ROCK1: variants seen among roughly 807,000 people sequenced by gnomAD.
ROCK1 encodes the protein rho-associated protein kinase 1.
In ROCK1, 36 loss-of-function variants were observed where a neutral mutation model predicts 196.8. The observed-to-expected ratio is 0.18, with a 90% CI of 0.14 to 0.24. The LOEUF is 0.24. Ranked by LOEUF, ROCK1 falls within the 10% of genes least tolerant of loss-of-function variation. The probability of loss-of-function intolerance (pLI) is 1.00; values close to 1 mark genes in which losing one functional copy is unlikely to be tolerated. For missense variants in ROCK1, 920 were observed against 1,562.0 expected (o/e 0.59, Z 6.93); for synonymous variants, 443 against 515.9 (o/e 0.86, Z 1.91).
At chr18:21,089,307 G>A (rs536343589) in intron 1 of ROCK1, among the ~76,000 whole-genome samples, 151 of 152,212 alleles carry the variant, frequency 9.9e-4, no homozygotes, top group Non-Finnish European at 1.3e-3. Context: ...CAATCCACCC[G>A]CCTTGGCCTC....
chr18:21,053,935 A>G (rs1338442107), intron 2 of ROCK1, among the ~76,000 whole-genome samples: 1 of 152,186 alleles, frequency 6.6e-6, no homozygotes, highest in Non-Finnish European at 1.5e-5. Context: ...TGATATGGTG[A>G]TACATATAGC....
intron 9 of ROCK1, among the ~76,000 whole-genome samples, chr18:21,036,814 A>T (rs1162316700): frequency 1.3e-5 from 2 of 152,184 alleles, no homozygotes; most frequent in East Asian, 3.8e-4. Flanking sequence ...TGTGGTAACT[A>T]GCAAAATCCT....
Position 21,111,010 on chromosome 18 carries a change from A to G in ROCK1, c.-100T>C. On this transcript the variant is annotated 5_prime_UTR_variant, in exon 1 of 33. Transcript: ENST00000399799. This position sits in a 1 kb window ranked among gnomAD's most constrained non-coding sequence, Gnocchi z 4.2. ...TGGGTTCGCAGCCGCGGGGCGGAGGAGCCGGAACCTCAGGGTCACCAGGTG... is the reference window on the plus strand; with the variant it reads ...TGGGTTCGCAGCCGCGGGGCGGAGGGGCCGGAACCTCAGGGTCACCAGGTG... The G allele has an allele frequency of 1.0e-6, 1 of 953,018 alleles. No homozygotes were observed. Among genetic ancestry groups the G allele is most frequent in the Non-Finnish European group, 1.7e-6 (1 of 603,626 alleles). 59.0% of individuals were successfully genotyped at this position (953,018 alleles called of 1,614,324 possible).
At chr18:21,076,682 C>T (rs1598554156) in intron 1 of ROCK1, among the ~76,000 whole-genome samples, 2 of 148,460 alleles carry the variant, frequency 1.3e-5, no homozygotes, top group South Asian at 4.2e-4. Flanking sequence ...TACACACACA[C>T]ACACACACAC....
At chr18:21,054,582 G>A (rs1019485618) in intron 2 of ROCK1, among the ~76,000 whole-genome samples, 14 of 151,958 alleles carry the variant, frequency 9.2e-5, no homozygotes, top group African/African-American at 3.4e-4. Flanking sequence ...ATTATATTAG[G>A]TTGTATTTCC....
chr18:21,104,894 T>C (rs769399883), intron 1 of ROCK1, among the ~76,000 whole-genome samples: 29 of 152,220 alleles, frequency 1.9e-4, no homozygotes, highest in Non-Finnish European at 5.9e-5. Flanking sequence ...TATTAATAAA[T>C]GTCTCAATTT....
chr18:21,042,433 G>T, intron 7 of ROCK1, 132 bp downstream of exon 7: 1 of 1,112,426 alleles, frequency 9.0e-7, no homozygotes, highest in Non-Finnish European at 1.3e-6. Context: ...ATACGAAGCA[G>T]GTTTGGATCA....
intron 31 of ROCK1, among the ~76,000 whole-genome samples, chr18:20,954,442 G>A (rs1317296337): frequency 6.7e-6 from 1 of 149,830 alleles, no homozygotes; most frequent in Non-Finnish European, 1.5e-5. Flanking sequence ...CGGGTGTGGT[G>A]GCACACGCCT....
chr18:21,026,201 T>C (rs1424601361), intron 10 of ROCK1, among the ~76,000 whole-genome samples: 1 of 152,082 alleles, frequency 6.6e-6, no homozygotes, highest in Admixed American at 6.5e-5. Flanking sequence ...TCCCAGCACT[T>C]TGGGAGGCCA....
At chr18:21,086,842 GT>G (rs1441484433) in intron 1 of ROCK1, among the ~76,000 whole-genome samples, 1 of 151,026 alleles carries the variant, frequency 6.6e-6, no homozygotes, top group African/African-American at 2.4e-5. Context: ...TAAAATAATG[GT>G]TAAAGGAAAT....
At chr18:21,097,496 C>A (rs1383531464) in intron 1 of ROCK1, among the ~76,000 whole-genome samples, 1 of 152,172 alleles carries the variant, frequency 6.6e-6, no homozygotes, top group Non-Finnish European at 1.5e-5. Flanking sequence ...ATTTAATCCT[C>A]CTAATTAAGC....
intron 29 of ROCK1, among the ~76,000 whole-genome samples, chr18:20,957,869 T>G (rs1025877060): frequency 4.6e-5 from 7 of 151,976 alleles, no homozygotes; most frequent in African/African-American, 1.7e-4. Flanking sequence ...CAGGCTGGTC[T>G]CAAATTGAAC....
At chr18:21,092,594 A>C (rs1381616426) in intron 1 of ROCK1, among the ~76,000 whole-genome samples, 1 of 151,706 alleles carries the variant, frequency 6.6e-6, no homozygotes. Flanking sequence ...AAAAAAAAAA[A>C]AAAAAAAAAA....
intron 21 of ROCK1, among the ~76,000 whole-genome samples, chr18:20,980,542 C>T (rs1278845321): frequency 1.3e-5 from 2 of 152,158 alleles, no homozygotes; most frequent in East Asian, 3.9e-4. Context: ...CACATGTTGA[C>T]TGTGGTGGTG....
intron 1 of ROCK1, among the ~76,000 whole-genome samples, chr18:21,105,661 T>C (rs1339110430): frequency 2.6e-5 from 4 of 152,080 alleles, no homozygotes; most frequent in African/African-American, 9.7e-5. Context: ...GGGACAATAG[T>C]GGAATTAATG....
At chr18:21,004,511 C>T (rs1464161865) in intron 16 of ROCK1, among the ~76,000 whole-genome samples, 1 of 152,116 alleles carries the variant, frequency 6.6e-6, no homozygotes, top group Non-Finnish European at 1.5e-5. Flanking sequence ...AAAGAATAAA[C>T]TAACAATAAA....
In ROCK1 at chr18:20,970,417, C is replaced by A. The variant is rs761231638; in HGVS notation, c.2751G>T (p.Thr917=). The A allele has an allele frequency of 3.7e-6, 6 of 1,613,800 alleles. No individual in the cohort carries two copies. Among genetic ancestry groups the A allele is most frequent in the Non-Finnish European group, 5.1e-6 (6 of 1,179,806 alleles). The change falls in exon 23 of 33, where the codon ACG becomes ACT. Residue 917 remains threonine (T), a synonymous_variant. Transcript: ENST00000399799. ...TTGAAGCAGCTTTCTTGCTTTCTTG[C>A]GTCAATTCAAAATACTGTTCTTCCA... ...GLLEEQYFEL[T]QESKKAASRN... is the part of the protein sequence containing the mutation.
chr18:21,030,243 C>T (rs2035994482), intron 9 of ROCK1, among the ~76,000 whole-genome samples: 1 of 152,146 alleles, frequency 6.6e-6, no homozygotes, highest in Admixed American at 6.5e-5. Context: ...TCTTGGCATA[C>T]ATTTTATGTT....
chr18:20,961,170 G>A (rs925534475), intron 27 of ROCK1, among the ~76,000 whole-genome samples: 8 of 152,096 alleles, frequency 5.3e-5, no homozygotes, highest in East Asian at 3.9e-4. Context: ...ACTATTTTCC[G>A]TATCTACCTT....
Sources: allele counts gnomAD v4.1 joint callset (sites outside exome capture counted in the v4.1 genomes callset), GRCh38; gene constraint gnomAD v4.1.1; non-coding constraint Gnocchi (gnomAD v3.1); transcripts MANE v1.5; gene names NCBI Gene and HGNC (gene_info 2026-07-23, HGNC 2026-07-21).